WDR43: variants seen among roughly 807,000 people sequenced by gnomAD.
WDR43 encodes the protein WD repeat domain 43.
Under a neutral mutation model 91.4 loss-of-function variants are expected in WDR43, and 13 were observed. The ratio of observed to expected loss-of-function variants is 0.14; its 90% CI spans 0.09 to 0.23. The LOEUF (loss-of-function observed/expected upper bound fraction) is 0.23, where lower values mean the gene tolerates loss of function less well. Among genes scored for constraint, WDR43 ranks in the 10% least tolerant of loss-of-function variants. The pLI, the probability that WDR43 is intolerant of heterozygous loss-of-function variation, is 1.00. For missense variants in WDR43, 780 were observed against 809.4 expected, an observed-to-expected ratio of 0.96 and a Z score of 0.44; for synonymous variants, 331 against 287.9, an observed-to-expected ratio of 1.15 and a Z score of -1.51.
rs370424817 is a variant in WDR43, at chr2:28,931,365, C to T, written c.1437+1655C>T. On this transcript the variant is annotated intron_variant, in intron 11 of 17. Transcript: ENST00000407426. Reference sequence around the variant, plus strand: ...AAAGTCCTGGGATTACAGGCGTGAGCCACTGTGCCGGCCTATTTTTGCTTT... The same window carrying T: ...AAAGTCCTGGGATTACAGGCGTGAGTCACTGTGCCGGCCTATTTTTGCTTT... Among the ~76,000 whole-genome samples the T allele has an allele frequency of 1.6e-4, 25 of 152,360 alleles. 1 individual carries two copies. The East Asian group carries it at 2.3e-3, about 14-fold the overall frequency.
chr2:28,940,955 A>G (rs1671423171), intron 14 of WDR43, among the ~76,000 whole-genome samples: 1 of 152,212 alleles, frequency 6.6e-6, no homozygotes, highest in Admixed American at 6.5e-5. Context: ...ATTAACAGGA[A>G]GTATATTTAA....
chr2:28,926,904 A>G (rs1457394657), intron 9 of WDR43, among the ~76,000 whole-genome samples: 1 of 152,202 alleles, frequency 6.6e-6, no homozygotes, highest in Non-Finnish European at 1.5e-5. Context: ...TACTTTGCTG[A>G]GAGGAATGCT....
At chr2:28,909,793 G>T (rs1345541807) in intron 3 of WDR43, among the ~76,000 whole-genome samples, 1 of 152,194 alleles carries the variant, frequency 6.6e-6, no homozygotes, top group African/African-American at 2.4e-5. Context: ...AGGGTCACTT[G>T]AGCTCAGGAG....
At chr2:28,939,835 C>T (rs75126910) in intron 14 of WDR43, among the ~76,000 whole-genome samples, 5,776 of 152,134 alleles carry the variant, frequency 0.038, 360 homozygotes, top group African/African-American at 0.13. Flanking sequence ...AGTCTGGGCA[C>T]GGTGGCTCAC....
At chr2:28,927,521 C>T (rs1671164049) in intron 9 of WDR43, 48 bp from the exon 10 acceptor site, 12 of 1,604,476 alleles carry the variant, frequency 7.5e-6, no homozygotes, top group Non-Finnish European at 1.0e-5. Flanking sequence ...TACTTAAGGA[C>T]TAAGGTATGA....
At chr2:28,946,381 T>C in intron 16 of WDR43, 69 bp from the exon 17 acceptor site, 1 of 1,437,664 alleles carries the variant, frequency 7.0e-7, no homozygotes, top group Non-Finnish European at 9.3e-7. Flanking sequence ...AATCTGGTTC[T>C]GCTTAATTTC....
At chr2:28,935,673 A>G in intron 12 of WDR43, 66 bp downstream of exon 12, 1 of 1,126,786 alleles carries the variant, frequency 8.9e-7, no homozygotes, top group South Asian at 1.7e-5. Context: ...TTCAGTAGTT[A>G]GAGAAATGGA....
In WDR43 at chr2:28,905,608, A is replaced by G. The variant is rs190581863; in HGVS notation, c.364-852A>G. On this transcript the variant is annotated intron_variant, in intron 2 of 17. Coordinates refer to ENST00000407426, the MANE Select transcript of WDR43 (RefSeq NM_015131.3). ...AAGTAGTTTATTTATTTATTTTTAA[A>G]CAGGAGAAGGAAAGTTAACATTTTG... Among the ~76,000 whole-genome samples, 218 of 151,672 alleles carry G rather than the reference A, an allele frequency of 1.4e-3. 1 individual carries two copies. Among genetic ancestry groups the G allele is most frequent in the Non-Finnish European group, 1.0e-3 (71 of 67,934 alleles).
At chr2:28,938,036 G>T in intron 14 of WDR43, 42 bp downstream of exon 14, 13 of 1,601,882 alleles carry the variant, frequency 8.1e-6, no homozygotes, top group Non-Finnish European at 1.0e-5. Context: ...GAATAGTTTG[G>T]CTTTGATAAG....
chr2:28,910,666 T>C (rs1670776719), intron 3 of WDR43, among the ~76,000 whole-genome samples: 2 of 103,618 alleles, frequency 1.9e-5, no homozygotes, highest in Admixed American at 2.0e-4. Context: ...ATAACGTGCG[T>C]GTGTGTGTGT....
intron 3 of WDR43, among the ~76,000 whole-genome samples, chr2:28,908,148 A>C (rs1245900340): frequency 6.6e-6 from 1 of 152,214 alleles, no homozygotes; most frequent in Non-Finnish European, 1.5e-5. Context: ...CTAACTAGGC[A>C]AGTAAACCAA....
At chr2:28,896,734 T>A (rs182047816) in intron 1 of WDR43, among the ~76,000 whole-genome samples, 19 of 152,326 alleles carry the variant, frequency 1.2e-4, no homozygotes, top group African/African-American at 4.3e-4. Context: ...TAGTTTTGGA[T>A]TATGTGCAAC....
chr2:28,920,246 GAC>G (rs1181786468), intron 6 of WDR43, among the ~76,000 whole-genome samples: 5 of 62,538 alleles, frequency 8.0e-5, no homozygotes, highest in African/African-American at 3.3e-4. Flanking sequence ...TTTTTTTTGA[GAC>G]AGAGTCTTGC....
In WDR43 at chr2:28,917,915, GA is replaced by G; in HGVS notation, c.773del (p.Lys258ArgfsTer4). ...TAGGCAGGTCCGATCAGAAAACAAA[GA>G]AAAGAGTGCAGTGATGTCATTTACA... is the stretch of plus-strand genomic sequence containing the variant. ...NVWQVRSENK[E>X]KSAVMSFTVT... On this transcript the variant is annotated frameshift_variant, in exon 6 of 18. Coordinates refer to ENST00000407426, the MANE Select transcript of WDR43 (RefSeq NM_015131.3). LOFTEE classifies it high-confidence loss of function. The G allele has an allele frequency of 6.3e-7, 1 of 1,584,152 alleles. No homozygotes were observed. Among genetic ancestry groups the G allele is most frequent in the Non-Finnish European group, 8.6e-7 (1 of 1,164,180 alleles).
intron 10 of WDR43, among the ~76,000 whole-genome samples, chr2:28,928,282 G>C (rs943237961): frequency 1.3e-5 from 2 of 151,916 alleles, no homozygotes; most frequent in Non-Finnish European, 2.9e-5. Context: ...GGTTTCTTTA[G>C]CTGATTTTAC....
At chr2:28,932,228 G>C (rs779558818) in intron 11 of WDR43, among the ~76,000 whole-genome samples, 15 of 151,908 alleles carry the variant, frequency 9.9e-5, no homozygotes, top group Admixed American at 9.8e-4. Context: ...CAGTGGTGCG[G>C]TCTCAGCTCA....
intron 5 of WDR43, 21 bp from the exon 6 acceptor site, chr2:28,917,872 C>T (rs1670944768): frequency 1.3e-6 from 2 of 1,555,056 alleles, no homozygotes; most frequent in Non-Finnish European, 1.7e-6. Context: ...TGCTATCTAA[C>T]TTGCTGGTTT....
intron 14 of WDR43, among the ~76,000 whole-genome samples, chr2:28,940,910 C>G (rs1450926682): frequency 2.6e-5 from 4 of 152,110 alleles, no homozygotes; most frequent in Admixed American, 2.6e-4. Context: ...AGAGAATGTC[C>G]TACTTTCATT....
At chr2:28,900,823 T>G (rs1558367217) in intron 1 of WDR43, among the ~76,000 whole-genome samples, 1 of 151,846 alleles carries the variant, frequency 6.6e-6, no homozygotes, top group Non-Finnish European at 1.5e-5. Flanking sequence ...AGATGTGTAT[T>G]ATTTTTTTCT....
Sources: gnomAD v4.1 joint callset for allele counts (sites outside exome capture counted in the v4.1 genomes callset) on GRCh38, gnomAD v4.1.1 for gene constraint, MANE v1.5 for transcripts, NCBI Gene and HGNC (gene_info 2026-07-23, HGNC 2026-07-21) for gene names.